The following CACNB4 variants were observed in gnomAD, a reference collection of about 807,000 sequenced individuals.
The protein encoded by CACNB4 is voltage-dependent L-type calcium channel subunit beta-4.
In CACNB4, 32 loss-of-function variants were observed where a neutral mutation model predicts 71.2. The observed-to-expected ratio is 0.45, with a 90% CI of 0.34 to 0.60. The LOEUF (loss-of-function observed/expected upper bound fraction) is 0.60, where lower values mean the gene tolerates loss of function less well. Among genes scored for constraint, CACNB4 ranks in the 20% least tolerant of loss-of-function variants. The probability of loss-of-function intolerance (pLI) is 0.01; values close to 1 mark genes in which losing one functional copy is unlikely to be tolerated. For synonymous variants in CACNB4, 231 were observed against 236.9 expected, an observed-to-expected ratio of 0.97 and a Z score of 0.23; for missense variants, 464 against 647.9, an observed-to-expected ratio of 0.72 and a Z score of 3.08.
At chr2:151,935,565 G>T (rs2099862730) in intron 2 of CACNB4, among the ~76,000 whole-genome samples, 1 of 152,154 alleles carries the variant, frequency 6.6e-6, no homozygotes, top group Admixed American at 6.5e-5. Context: ...GAAGCACACT[G>T]TGTTACTATA....
chr2:152,056,520 C>A (rs1368931254), intron 2 of CACNB4, among the ~76,000 whole-genome samples: 1 of 152,210 alleles, frequency 6.6e-6, no homozygotes, highest in Non-Finnish European at 1.5e-5. Flanking sequence ...AACTCCTTTG[C>A]TCTGGAAGGT....
intron 2 of CACNB4, among the ~76,000 whole-genome samples, chr2:151,991,905 A>G (rs959931192): frequency 6.6e-6 from 1 of 152,238 alleles, no homozygotes; most frequent in Non-Finnish European, 1.5e-5. Context: ...GGGAAACAAA[A>G]GAGCGAATCC....
At chr2:152,086,835 T>C (rs1687686219) in intron 2 of CACNB4, among the ~76,000 whole-genome samples, 1 of 152,154 alleles carries the variant, frequency 6.6e-6, no homozygotes, top group Non-Finnish European at 1.5e-5. Flanking sequence ...TCCATGCAGG[T>C]TAAAGAGTTT....
intron 2 of CACNB4, among the ~76,000 whole-genome samples, chr2:151,936,985 T>C (rs1290569755): frequency 6.6e-6 from 1 of 152,278 alleles, no homozygotes; most frequent in Non-Finnish European, 1.5e-5. Context: ...ATGTATTTGG[T>C]ATTTTTATGC....
chr2:151,987,362 C>G (rs1681432789), intron 2 of CACNB4, among the ~76,000 whole-genome samples: 1 of 152,150 alleles, frequency 6.6e-6, no homozygotes, highest in African/African-American at 2.4e-5. Flanking sequence ...TGGTTGAGTT[C>G]AGAGAACACT....
At chr2:151,888,512 G>A (rs575158314) in intron 2 of CACNB4, among the ~76,000 whole-genome samples, 1 of 152,294 alleles carries the variant, frequency 6.6e-6, no homozygotes, top group South Asian at 2.1e-4. Flanking sequence ...GCTCCAGTGA[G>A]CCATGATGAT....
intron 2 of CACNB4, among the ~76,000 whole-genome samples, chr2:151,966,256 GTTCT>G (rs1168153541): frequency 1.4e-5 from 2 of 144,450 alleles, no homozygotes; most frequent in African/African-American, 2.5e-5. Context: ...AACTCCCAGC[GTTCT>G]TTCTTTCTTT....
intron 2 of CACNB4, among the ~76,000 whole-genome samples, chr2:152,031,652 C>A (rs932469180): frequency 3.3e-5 from 5 of 152,130 alleles, no homozygotes; most frequent in Non-Finnish European, 1.5e-5. Context: ...GGCTTTCTCC[C>A]CTGCCCATCA....
intron 2 of CACNB4, among the ~76,000 whole-genome samples, chr2:151,981,850 C>T (rs886642220): frequency 1.3e-5 from 2 of 152,256 alleles, no homozygotes; most frequent in East Asian, 1.9e-4. Flanking sequence ...CACCAGGCAG[C>T]AAGCGTGCTA....
chr2:151,955,292 G>A (rs2099867966), intron 2 of CACNB4, among the ~76,000 whole-genome samples: 1 of 152,160 alleles, frequency 6.6e-6, no homozygotes, highest in African/African-American at 2.4e-5. Context: ...CAATATCATA[G>A]AGCTATAGCA....
rs185849303 is a variant in CACNB4 at position 152,018,268 on chromosome 2, C to T, written c.147+80062G>A. ...AAACACAGCCAGCAATGAAAGAAAGCAGGTAGAAAAGGGAGGGAGGAGGCA... is the reference window on the plus strand; with the variant it reads ...AAACACAGCCAGCAATGAAAGAAAGTAGGTAGAAAAGGGAGGGAGGAGGCA... On this transcript the variant is annotated intron_variant, in intron 2 of 13. Transcript: ENST00000539935. Among the ~76,000 whole-genome samples the T allele has an allele frequency of 1.9e-3, 286 of 152,022 alleles. 5 individuals are homozygous for T. The Middle Eastern group carries it at 0.027, about 14-fold the overall frequency.
intron 2 of CACNB4, among the ~76,000 whole-genome samples, chr2:152,094,913 G>A (rs1311797188): frequency 6.6e-6 from 1 of 152,198 alleles, no homozygotes; most frequent in Non-Finnish European, 1.5e-5. Context: ...TCTTAGGAAG[G>A]TCTTGCTGTA....
At chr2:151,956,146 C>T (rs1184793986) in intron 2 of CACNB4, among the ~76,000 whole-genome samples, 3 of 152,084 alleles carry the variant, frequency 2.0e-5, no homozygotes, top group East Asian at 1.9e-4. Flanking sequence ...CTTGTATCTT[C>T]GATATACTTG....
At chr2:152,078,894 T>C (rs1254900320) in intron 2 of CACNB4, among the ~76,000 whole-genome samples, 2 of 152,170 alleles carry the variant, frequency 1.3e-5, no homozygotes, top group East Asian at 3.9e-4. Flanking sequence ...TTACAGCAGC[T>C]TAGCATAGAC....
chr2:151,850,141 C>CTTTCTTTTTTTTTTTTTTTTTT (rs1553744905), intron 12 of CACNB4: 2 of 98,162 alleles, frequency 2.0e-5, no homozygotes, highest in African/African-American at 4.8e-5. Context: ...TTCTTTCTTT[C>CTTTCTTTTTTTTTTTTTTTTTT]TTTTTTTTTT....
chr2:151,918,144 T>G (rs2099858036), intron 2 of CACNB4, among the ~76,000 whole-genome samples: 2 of 152,222 alleles, frequency 1.3e-5, no homozygotes, highest in African/African-American at 4.8e-5. Flanking sequence ...AAATATGTAG[T>G]TGGCCATTAT....
chr2:151,885,946 GA>G (rs549767115), intron 2 of CACNB4, among the ~76,000 whole-genome samples: 13 of 149,348 alleles, frequency 8.7e-5, no homozygotes, highest in Admixed American at 2.0e-4. Flanking sequence ...CAGAGTAAGA[GA>G]AAAAAAAACA....
At chr2:152,096,513 G>A (rs1214011578) in intron 2 of CACNB4, among the ~76,000 whole-genome samples, 5 of 152,014 alleles carry the variant, frequency 3.3e-5, no homozygotes, top group Admixed American at 1.3e-4. Flanking sequence ...TACTATTTTT[G>A]TGCCGAAAAA....
chr2:151,951,988 T>G (rs952874727), intron 2 of CACNB4, among the ~76,000 whole-genome samples: 1 of 152,212 alleles, frequency 6.6e-6, no homozygotes, highest in Admixed American at 6.5e-5. Flanking sequence ...TGCCATAGAC[T>G]GTGTGTCATT....
Sources: allele counts gnomAD v4.1 joint callset (sites outside exome capture counted in the v4.1 genomes callset), GRCh38; gene constraint gnomAD v4.1.1; transcripts MANE v1.5; gene names NCBI Gene and HGNC (gene_info 2026-07-23, HGNC 2026-07-21).